Variants in KIAA1328 observed in about 807,000 individuals in gnomAD.
KIAA1328 encodes KIAA1328.
A neutral mutation model predicts 68.1 loss-of-function variants in KIAA1328; 52 were observed. The observed-to-expected ratio is 0.76, with a 90% CI of 0.61 to 0.96. KIAA1328 has a LOEUF of 0.96. KIAA1328 is among the 40% of genes least tolerant of loss of function. The probability of loss-of-function intolerance (pLI) is 0.00; values close to 1 mark genes in which losing one functional copy is unlikely to be tolerated. For missense variants in KIAA1328, 641 were observed against 677.6 expected (o/e 0.95, Z 0.60); for synonymous variants, 232 against 239.4 (o/e 0.97, Z 0.28).
chr18:37,178,267 A>G (rs776670728), intron 9 of KIAA1328, among the ~76,000 whole-genome samples: 5 of 152,046 alleles, frequency 3.3e-5, no homozygotes, highest in Admixed American at 6.6e-5. Flanking sequence ...TATGAGATCA[A>G]CGTTTCTAGA....
At chr18:37,052,037 G>A (rs1291457979) in intron 6 of KIAA1328, among the ~76,000 whole-genome samples, 8 of 145,896 alleles carry the variant, frequency 5.5e-5, no homozygotes, top group East Asian at 2.0e-4. Context: ...GCAAGACTAC[G>A]TCTCAAAAAA....
chr18:37,143,377 A>G (rs1415622912), intron 7 of KIAA1328, among the ~76,000 whole-genome samples: 1 of 152,172 alleles, frequency 6.6e-6, no homozygotes, highest in Admixed American at 6.5e-5. Context: ...CTTAGTTTAT[A>G]TATTGCAATT....
At chr18:37,129,222 T>C (rs2058463529) in intron 7 of KIAA1328, among the ~76,000 whole-genome samples, 1 of 152,174 alleles carries the variant, frequency 6.6e-6, no homozygotes, top group East Asian at 1.9e-4. Context: ...TCAATTCCAT[T>C]CCTATAATTT....
intron 8 of KIAA1328, among the ~76,000 whole-genome samples, chr18:37,167,268 C>T (rs764208395): frequency 2.0e-5 from 3 of 152,068 alleles, no homozygotes; most frequent in Non-Finnish European, 4.4e-5. Context: ...TTAGTTTTGC[C>T]GTCTATAGGT....
At chr18:37,031,585 G>C (rs962679461) in intron 6 of KIAA1328, among the ~76,000 whole-genome samples, 1 of 152,218 alleles carries the variant, frequency 6.6e-6, no homozygotes, top group South Asian at 2.1e-4. Flanking sequence ...TTCATAGATA[G>C]TGCATAGTTT....
intron 7 of KIAA1328, among the ~76,000 whole-genome samples, chr18:37,096,184 G>A (rs1029049841): frequency 2.0e-5 from 3 of 151,714 alleles, no homozygotes; most frequent in Non-Finnish European, 4.4e-5. Context: ...CCATTAACTC[G>A]TCACTTAACA....
chr18:37,048,200 A>G (rs1357655759), intron 6 of KIAA1328, among the ~76,000 whole-genome samples: 1 of 152,212 alleles, frequency 6.6e-6, no homozygotes, highest in Non-Finnish European at 1.5e-5. Context: ...AAGCTGTAAG[A>G]CTGTATTTGT....
intron 5 of KIAA1328, among the ~76,000 whole-genome samples, chr18:36,954,790 G>A (rs2051336451): frequency 6.6e-6 from 1 of 151,240 alleles, no homozygotes; most frequent in African/African-American, 2.4e-5. Context: ...CACCTCCTGG[G>A]TTCAAGCAAT....
At chr18:36,925,419 G>T (rs1404241082) in intron 5 of KIAA1328, among the ~76,000 whole-genome samples, 1 of 152,148 alleles carries the variant, frequency 6.6e-6, no homozygotes, top group Non-Finnish European at 1.5e-5. Flanking sequence ...TTCCTGGGCA[G>T]ATCTAGAATA....
At chr18:37,211,601 G>A (rs186897110) in intron 9 of KIAA1328, among the ~76,000 whole-genome samples, 69 of 152,320 alleles carry the variant, frequency 4.5e-4, no homozygotes, top group African/African-American at 1.6e-3. Context: ...TGTACAGGAT[G>A]AGCATGAAAA....
At chr18:37,075,539 A>G (rs1367633901) in intron 7 of KIAA1328, 4 of 152,218 alleles carry the variant, frequency 2.6e-5, no homozygotes. Flanking sequence ...CAGACTGGCA[A>G]ATTGGATAAA....
At chr18:37,086,874 A>T (rs1057183657) in intron 7 of KIAA1328, among the ~76,000 whole-genome samples, 1 of 152,210 alleles carries the variant, frequency 6.6e-6, no homozygotes, top group Admixed American at 6.5e-5. Flanking sequence ...GTATGCTGAT[A>T]TGCATAAGTT....
chr18:37,011,170 T>C (rs536441955), intron 6 of KIAA1328, among the ~76,000 whole-genome samples: 1 of 152,258 alleles, frequency 6.6e-6, no homozygotes, highest in African/African-American at 2.4e-5. Context: ...GTAAAAGATA[T>C]AGATTCTGCC....
intron 6 of KIAA1328, among the ~76,000 whole-genome samples, chr18:37,016,597 T>TTTTG (rs899172800): frequency 2.0e-5 from 3 of 152,088 alleles, no homozygotes; most frequent in Non-Finnish European, 4.4e-5. Context: ...GTCTGGGGCT[T>TTTTG]TTTGTTTGTT....
chr18:37,088,337 TCATGTAAATTAG>T (rs1475279542), intron 7 of KIAA1328, among the ~76,000 whole-genome samples: 1 of 152,194 alleles, frequency 6.6e-6, no homozygotes, highest in Non-Finnish European at 1.5e-5. Flanking sequence ...ATTCAATCAG[TCATGTAAATTAG>T]CTCTCCAATA....
intron 4 of KIAA1328, among the ~76,000 whole-genome samples, chr18:36,862,281 A>G (rs2047589861): frequency 6.6e-6 from 1 of 151,604 alleles, no homozygotes; most frequent in African/African-American, 2.4e-5. Flanking sequence ...AGATTTGTGT[A>G]CCATTGCCAT....
chr18:37,076,006 C>T (rs1293486552), intron 7 of KIAA1328, among the ~76,000 whole-genome samples: 1 of 152,050 alleles, frequency 6.6e-6, no homozygotes, highest in African/African-American at 2.4e-5. Context: ...ACAGAACTCT[C>T]CACCCCAAAT....
intron 5 of KIAA1328, among the ~76,000 whole-genome samples, chr18:36,942,321 C>T (rs1354632429): frequency 6.6e-6 from 1 of 152,198 alleles, no homozygotes; most frequent in Non-Finnish European, 1.5e-5. Context: ...CTTCCAAATA[C>T]ATCAAATGCA....
intron 4 of KIAA1328, among the ~76,000 whole-genome samples, chr18:36,873,880 C>A (rs1007231979): frequency 6.6e-6 from 1 of 152,132 alleles, no homozygotes; most frequent in Non-Finnish European, 1.5e-5. Flanking sequence ...ATGTTCCCCT[C>A]CCTGTGCCCA....
Sources: gnomAD v4.1 joint callset for allele counts (sites outside exome capture counted in the v4.1 genomes callset) on GRCh38, gnomAD v4.1.1 for gene constraint, MANE v1.5 for transcripts, NCBI Gene and HGNC (gene_info 2026-07-23, HGNC 2026-07-21) for gene names.